Variants in WWOX observed in about 807,000 individuals in gnomAD.
WWOX encodes WW domain containing oxidoreductase.
A neutral mutation model predicts 46.2 loss-of-function variants in WWOX; 69 were observed. The observed-to-expected ratio is 1.49, with a 90% CI of 1.23 to 1.82. The LOEUF (loss-of-function observed/expected upper bound fraction) is 1.82. Ranked by LOEUF, WWOX falls within the 40% of genes most tolerant of loss-of-function variation. The pLI is 0.00. For missense variants in WWOX, 919 were observed against 542.6 expected (o/e 1.69, Z -6.89); for synonymous variants, 359 against 202.6 (o/e 1.77, Z -6.56).
In WWOX at chr16:79,131,107, T is replaced by A. The variant is rs138126126; in HGVS notation, c.1057-80501T>A. ...CTGAAAAGTGGGCTTTCTGTGAGAG[T>A]TGGACAGACTCCATGCTGCCCCTGC... On this transcript the variant is annotated intron_variant, in intron 8 of 8. Transcript: ENST00000566780. Among the ~76,000 whole-genome samples the A allele has an allele frequency of 8.5e-5, 13 of 152,192 alleles. No individual in the cohort carries two copies. The East Asian group carries it at 2.5e-3, about 29-fold the overall frequency.
chr16:78,913,008 T>A (rs111324197), intron 8 of WWOX, among the ~76,000 whole-genome samples: 1 of 151,984 alleles, frequency 6.6e-6, no homozygotes, highest in Non-Finnish European at 1.5e-5. Context: ...GCCTTCCATC[T>A]CTCGAGTTGT....
chr16:78,847,938 C>T (rs368211225), intron 8 of WWOX, among the ~76,000 whole-genome samples: 8 of 152,092 alleles, frequency 5.3e-5, no homozygotes, highest in African/African-American at 1.4e-4. Flanking sequence ...GACCACTGCA[C>T]GAACAACCCT....
At chr16:78,762,611 G>C (rs968908781) in intron 8 of WWOX, among the ~76,000 whole-genome samples, 1 of 152,192 alleles carries the variant, frequency 6.6e-6, no homozygotes, top group African/African-American at 2.4e-5. Context: ...GGGGCTCGGG[G>C]CACAGAGGAG....
intron 8 of WWOX, among the ~76,000 whole-genome samples, chr16:78,781,814 TAAGTAG>T (rs2050333762): frequency 6.6e-6 from 1 of 152,222 alleles, no homozygotes; most frequent in Non-Finnish European, 1.5e-5. Flanking sequence ...TATTTTCTTC[TAAGTAG>T]AAGTAATGAT....
chr16:78,191,310 T>C (rs1381148367), intron 5 of WWOX, among the ~76,000 whole-genome samples: 1 of 152,192 alleles, frequency 6.6e-6, no homozygotes, highest in Non-Finnish European at 1.5e-5. Flanking sequence ...CCTACCTTGC[T>C]TTTGGACCAT....
At chr16:78,447,736 A>G (rs151063429) in intron 8 of WWOX, among the ~76,000 whole-genome samples, 2 of 152,216 alleles carry the variant, frequency 1.3e-5, no homozygotes, top group Non-Finnish European at 2.9e-5. Context: ...GTGGAGGGGT[A>G]CTGGAGGAAG....
At chr16:79,096,701 C>T (rs1303050072) in intron 8 of WWOX, among the ~76,000 whole-genome samples, 1 of 152,184 alleles carries the variant, frequency 6.6e-6, no homozygotes, top group Non-Finnish European at 1.5e-5. Context: ...TGCTTTCTCC[C>T]CGCTCTTTGA....
rs1004989792 is a variant in WWOX, at chr16:78,831,462, T to C, written c.1057-380146T>C. On this transcript the variant is annotated intron_variant, in intron 8 of 8. Transcript: ENST00000566780. ...GAATAAAATGGGTGCTCTAGGGAGA[T>C]GCAGTGAGTTTATCCTGTGGCTTTG... Among the ~76,000 whole-genome samples the C allele has an allele frequency of 2.6e-5, 4 of 152,152 alleles. No individual in the cohort carries two copies. The East Asian group carries it at 7.7e-4, about 29-fold the overall frequency.
chr16:78,141,013 G>A (rs187347174), intron 4 of WWOX, among the ~76,000 whole-genome samples: 4 of 152,256 alleles, frequency 2.6e-5, no homozygotes, highest in African/African-American at 4.8e-5. Context: ...TCCTGCCTAC[G>A]TGCAGCTTAC....
At chr16:79,047,648 T>A (rs1307733232) in intron 8 of WWOX, among the ~76,000 whole-genome samples, 2 of 149,554 alleles carry the variant, frequency 1.3e-5, no homozygotes, top group African/African-American at 4.9e-5. Flanking sequence ...CAGAACTGGG[T>A]GACTTTCTCC....
chr16:78,149,096 A>T (rs1306236432), intron 4 of WWOX, among the ~76,000 whole-genome samples: 1 of 151,866 alleles, frequency 6.6e-6, no homozygotes, highest in East Asian at 1.9e-4. Context: ...AGCTCAAGTG[A>T]TCCTCCTGCC....
At chr16:78,460,717 A>G (rs1471340906) in intron 8 of WWOX, among the ~76,000 whole-genome samples, 1 of 152,194 alleles carries the variant, frequency 6.6e-6, no homozygotes, top group Non-Finnish European at 1.5e-5. Context: ...CTTTTTAAAC[A>G]TGACATTCGA....
At position 78,388,506 on chromosome 16, in the gene WWOX, G is replaced by A. The variant is rs140240181; in HGVS notation, c.605+1558G>A. Among the ~76,000 whole-genome samples the A allele has an allele frequency of 7.6e-3, 1,162 of 152,088 alleles. 16 individuals carry two copies. Among genetic ancestry groups the A allele is most frequent in the African/African-American group, 0.027 (1,100 of 41,494 alleles). On this transcript the variant is annotated intron_variant, in intron 6 of 8. Transcript: ENST00000566780. Reference sequence around the variant, plus strand: ...ACTAAAGATACAAAAAATTAGCTGGGTGTAGTGGTGCACACCTCTAGTCCT... The same window carrying A: ...ACTAAAGATACAAAAAATTAGCTGGATGTAGTGGTGCACACCTCTAGTCCT...
chr16:78,598,651 C>T (rs557548865), intron 8 of WWOX, among the ~76,000 whole-genome samples: 1 of 152,126 alleles, frequency 6.6e-6, no homozygotes, highest in Non-Finnish European at 1.5e-5. Flanking sequence ...AAAGAAATCT[C>T]CTTTCAAAAA....
rs545450670 is a variant in WWOX at position 78,814,218 on chromosome 16, A to G, written c.1056+381466A>G. ...TTCTGTCTTCTAGAGAATTTTGGCAAAAATGTGCCTCCATCTTACATCAAC... is the reference window on the plus strand; with the variant it reads ...TTCTGTCTTCTAGAGAATTTTGGCAGAAATGTGCCTCCATCTTACATCAAC... On this transcript the variant is annotated intron_variant, in intron 8 of 8. Transcript: ENST00000566780. Among the ~76,000 whole-genome samples, 8 of 152,298 alleles carry G rather than the reference A, an allele frequency of 5.3e-5. No homozygotes were observed. The East Asian group carries it at 1.4e-3, about 26-fold the overall frequency.
rs78839659 is a variant in WWOX at position 78,839,128 on chromosome 16, A to T, written c.1057-372480A>T. Among the ~76,000 whole-genome samples the T allele has an allele frequency of 5.2e-4, 79 of 152,226 alleles. 1 individual carries two copies. Among genetic ancestry groups the T allele is most frequent in the Non-Finnish European group, 1.5e-4 (10 of 68,016 alleles). ...CATGTGAATCTACACTTATCTCAAA[A>T]ATAAAAACTTTCATTAAAATCAAAT... On this transcript the variant is annotated intron_variant, in intron 8 of 8. Transcript: ENST00000566780.
chr16:78,305,340 C>T (rs1403061481), intron 5 of WWOX, among the ~76,000 whole-genome samples: 1 of 152,104 alleles, frequency 6.6e-6, no homozygotes, highest in Non-Finnish European at 1.5e-5. Context: ...GGTGTTCTGT[C>T]CCTCCGGCCT....
chr16:78,243,671 G>A (rs1184119717), intron 5 of WWOX, among the ~76,000 whole-genome samples: 3 of 152,022 alleles, frequency 2.0e-5, no homozygotes, highest in Admixed American at 6.6e-5. Context: ...CTCAGCCTCC[G>A]GAGTAGCTGG....
intron 8 of WWOX, among the ~76,000 whole-genome samples, chr16:79,020,271 C>T (rs989179731): frequency 1.3e-5 from 2 of 152,180 alleles, no homozygotes; most frequent in Non-Finnish European, 2.9e-5. Context: ...AGGACAGTGC[C>T]TGGGGCAGTC....
Sources: allele counts gnomAD v4.1 joint callset (sites outside exome capture counted in the v4.1 genomes callset), GRCh38; gene constraint gnomAD v4.1.1; transcripts MANE v1.5; gene names NCBI Gene and HGNC (gene_info 2026-07-23, HGNC 2026-07-21).